Variants in BICD1 observed in about 807,000 individuals in gnomAD.
BICD1 encodes the protein protein bicaudal D homolog 1.
BICD1 carries 35 observed loss-of-function variants against 92.5 expected under a neutral mutation model. The observed-to-expected ratio is 0.38, with a 90% CI of 0.29 to 0.50. BICD1 has a LOEUF of 0.50. BICD1 is among the 20% of genes least tolerant of loss of function. The probability of loss-of-function intolerance (pLI) is 0.93; values close to 1 mark genes in which losing one functional copy is unlikely to be tolerated. For synonymous variants in BICD1, 429 were observed against 465.1 expected, an observed-to-expected ratio of 0.92 and a Z score of 1.00; for missense variants, 950 against 1,189.8, an observed-to-expected ratio of 0.80 and a Z score of 2.97.
chr12:32,191,566 T>TTA (rs778112814), intron 1 of BICD1, among the ~76,000 whole-genome samples: 16 of 147,672 alleles, frequency 1.1e-4, no homozygotes, highest in Non-Finnish European at 2.1e-4. Context: ...CATTATTGTA[T>TTA]TATATATATA....
chr12:32,302,330 A>G (rs1424088179), intron 3 of BICD1, among the ~76,000 whole-genome samples: 2 of 152,184 alleles, frequency 1.3e-5, no homozygotes, highest in Admixed American at 1.3e-4. Context: ...TCGATGGTCT[A>G]TGGGCACCCC....
At chr12:32,120,133 C>T (rs543114927) in intron 1 of BICD1, among the ~76,000 whole-genome samples, 18 of 152,098 alleles carry the variant, frequency 1.2e-4, no homozygotes, top group African/African-American at 4.1e-4. Flanking sequence ...ATTCTGTTTG[C>T]AGTTTTTATG....
At chr12:32,189,380 C>G (rs1944503974) in intron 1 of BICD1, among the ~76,000 whole-genome samples, 1 of 152,210 alleles carries the variant, frequency 6.6e-6, no homozygotes, top group Non-Finnish European at 1.5e-5. Context: ...ATGTCTTTCT[C>G]TTTTTCTCCT....
At chr12:32,242,618 T>G (rs78731569) in intron 2 of BICD1, among the ~76,000 whole-genome samples, 7,827 of 152,226 alleles carry the variant, frequency 0.051, 230 homozygotes, top group Middle Eastern at 0.11. Context: ...ACTTTGCAAA[T>G]AATTGAAGTT....
rs914119072 is a variant in BICD1 at position 32,258,918 on chromosome 12, C to T, written c.427-35076C>T. On this transcript the variant is annotated intron_variant, in intron 2 of 9. Coordinates refer to ENST00000652176, the MANE Select transcript of BICD1 (RefSeq NM_001714.4). ...AGGGGTTTAAGCCTCCGGATGACTG[C>T]GGGCAGGAATGGATAATATCCAACC... is the stretch of plus-strand genomic sequence containing the variant. Among the ~76,000 whole-genome samples, 17 of 152,286 alleles carry T rather than the reference C, an allele frequency of 1.1e-4. No individual in the cohort carries two copies. The East Asian group carries it at 1.2e-3, about 10-fold the overall frequency.
Position 32,377,639 on chromosome 12 carries a change from T to C in BICD1, c.*12T>C, listed in dbSNP as rs190107006. On this transcript the variant is annotated 3_prime_UTR_variant, in exon 10 of 10. Transcript: ENST00000652176. Reference sequence around the variant, plus strand: ...CTCCTCACCCCTAGTCTTCATCTCCTGTGGACGAACATCTGGGGTGGAAGT... The same window carrying C: ...CTCCTCACCCCTAGTCTTCATCTCCCGTGGACGAACATCTGGGGTGGAAGT... The C allele has an allele frequency of 1.5e-4, 248 of 1,605,106 alleles. 2 individuals are homozygous for C. The African/African-American group carries it at 2.6e-3, about 17-fold the overall frequency.
chr12:32,115,493 C>G (rs938809689), intron 1 of BICD1, among the ~76,000 whole-genome samples: 1 of 150,040 alleles, frequency 6.7e-6, no homozygotes, highest in Non-Finnish European at 1.5e-5. Context: ...CAGGTATTTA[C>G]GAGACAAAGC....
At chr12:32,336,594 G>A (rs1396150033) in intron 6 of BICD1, among the ~76,000 whole-genome samples, 1 of 152,164 alleles carries the variant, frequency 6.6e-6, no homozygotes, top group Admixed American at 6.5e-5. Flanking sequence ...TATAGATAAG[G>A]AAATGTTTTC....
rs949317017 is a variant in BICD1, at chr12:32,381,112, T to G, written c.*3485T>G. 6.6e-6 allele frequency: 1 copy of G among 152,122 alleles called. No homozygotes were observed. Among genetic ancestry groups the G allele is most frequent in the Admixed American group, 6.6e-5 (1 of 15,264 alleles). 9.4% of individuals were successfully genotyped at this position (152,122 alleles called of 1,614,324 possible). ...TTAAGTTTTAAAATACATTAAAATT[T>G]TACTGGTTAATCATAAAATATTTTA... On this transcript the variant is annotated 3_prime_UTR_variant, in exon 10 of 10. Transcript: ENST00000652176.
At chr12:32,141,316 A>T in intron 1 of BICD1, among the ~76,000 whole-genome samples, 1 of 138,856 alleles carries the variant, frequency 7.2e-6, no homozygotes, top group East Asian at 2.2e-4. Context: ...TTCAGAATTT[A>T]TATTTCTGAT....
At chr12:32,189,893 T>G (rs1944518733) in intron 1 of BICD1, among the ~76,000 whole-genome samples, 3 of 152,054 alleles carry the variant, frequency 2.0e-5, no homozygotes, top group South Asian at 4.2e-4. Flanking sequence ...GAGATGGGGT[T>G]TCACCATGTT....
At chr12:32,165,265 C>A (rs1358047555) in intron 1 of BICD1, among the ~76,000 whole-genome samples, 1 of 152,140 alleles carries the variant, frequency 6.6e-6, no homozygotes, top group Non-Finnish European at 1.5e-5. Flanking sequence ...CCTGTAATCC[C>A]AGCACTTTGG....
At chr12:32,344,479 G>A (rs773459876) in intron 8 of BICD1, among the ~76,000 whole-genome samples, 1 of 152,164 alleles carries the variant, frequency 6.6e-6, no homozygotes, top group South Asian at 2.1e-4. Context: ...CTGATGACAA[G>A]GTGGAGAGTG....
Position 32,107,117 on chromosome 12 carries a change from G to A in BICD1, c.-215G>A, listed in dbSNP as rs1365223143. ...TTTGCCGCCTCGCCCCTGACCCTCT[G>A]CCCTGTTCTCCATGTTGCATTTCTC... On this transcript the variant is annotated 5_prime_UTR_variant, in exon 1 of 10. Transcript: ENST00000652176. 5.1e-6 allele frequency: 3 copies of A among 586,230 alleles called. No homozygotes were observed. The allele number at this position is 586,230 out of a possible 1,614,324, so 36.3% of individuals were successfully genotyped here.
chr12:32,339,245 C>A (rs533861010), intron 8 of BICD1: 3 of 1,166,402 alleles, frequency 2.6e-6, no homozygotes, highest in Non-Finnish European at 3.2e-6. Context: ...AAATTAGCAA[C>A]AAGCACAACG....
At chr12:32,107,722 T>C (rs189209925) in intron 1 of BICD1, 178 bp downstream of exon 1, 23 of 804,766 alleles carry the variant, frequency 2.9e-5, no homozygotes, top group Non-Finnish European at 4.4e-5. Context: ...AAGAGAAAAA[T>C]TGCCTAAGAA....
At chr12:32,318,973 A>G (rs950702426) in intron 4 of BICD1, among the ~76,000 whole-genome samples, 7 of 152,328 alleles carry the variant, frequency 4.6e-5, no homozygotes, top group Admixed American at 3.3e-4. Context: ...TGATGTTCGT[A>G]TATTGATTTT....
intron 2 of BICD1, among the ~76,000 whole-genome samples, chr12:32,238,927 AG>A (rs1288808367): frequency 2.2e-4 from 28 of 128,602 alleles, no homozygotes; most frequent in East Asian, 4.9e-4. Context: ...TTGGGCAACA[AG>A]AGCAAAACTC....
chr12:32,295,652 AT>A (rs1592627796), intron 3 of BICD1, among the ~76,000 whole-genome samples: 1 of 137,882 alleles, frequency 7.3e-6, no homozygotes, highest in African/African-American at 2.9e-5. Context: ...TTAAAATTTG[AT>A]TTCTTTTTTT....
Sources: gnomAD v4.1 joint callset for allele counts (sites outside exome capture counted in the v4.1 genomes callset) on GRCh38, gnomAD v4.1.1 for gene constraint, MANE v1.5 for transcripts, NCBI Gene and HGNC (gene_info 2026-07-23, HGNC 2026-07-21) for gene names.